LHX4: variants seen among roughly 807,000 people sequenced by gnomAD.
LHX4 encodes the protein LIM homeobox 4.
LHX4 carries 16 observed loss-of-function variants against 39.2 expected under a neutral mutation model. That is an observed-to-expected ratio of 0.41 (90% CI 0.28 to 0.62). LHX4 has a LOEUF of 0.62. LHX4 is among the 20% of genes least tolerant of loss of function. The probability of loss-of-function intolerance (pLI) is 0.33; values close to 1 mark genes in which losing one functional copy is unlikely to be tolerated. For missense variants in LHX4, 439 were observed against 511.9 expected, an observed-to-expected ratio of 0.86 and a Z score of 1.37; for synonymous variants, 206 against 198.1, an observed-to-expected ratio of 1.04 and a Z score of -0.33.
chr1:180,248,539 G>T, intron 2 of LHX4, 83 bp downstream of exon 2: 1 of 1,487,492 alleles, frequency 6.7e-7, no homozygotes, highest in Non-Finnish European at 9.3e-7. Flanking sequence ...CAGCAGGGTA[G>T]GCCAGGGAGG....
chr1:180,248,686 C>T lies in LHX4; in HGVS notation c.248+230C>T, dbSNP rs1647483807. On this transcript the variant is annotated intron_variant, in intron 2 of 5. Transcript: ENST00000263726. The stretch of plus-strand genomic sequence containing the variant: ...GACCTCATTTGATCTCTGCATGGGG[C>T]AGGGGTGAGGAGCCAGAGGCCTTGG... 5.1e-6 allele frequency: 3 copies of T among 587,870 alleles called. No homozygotes were observed. In the East Asian group the frequency reaches 9.0e-5, roughly 18 times the overall value. 36.4% of individuals were successfully genotyped at this position (587,870 alleles called of 1,614,324 possible). A position where few individuals can be genotyped will look rare whatever the true frequency, so the allele number is the denominator to read the frequency against.
chr1:180,248,262 C>T (rs757335185), intron 1 of LHX4, 23 bp from the exon 2 acceptor site: 1 of 1,612,506 alleles, frequency 6.2e-7, no homozygotes, highest in African/African-American at 1.3e-5. Context: ...GCTCACAGTG[C>T]CTCTCTCTCC....
Position 180,267,780 on chromosome 1 carries a change from T to A in LHX4, c.451+1186T>A, listed in dbSNP as rs74132438. Among the ~76,000 whole-genome samples the A allele has an allele frequency of 8.4e-3, 1,279 of 152,314 alleles. 15 individuals carry two copies. The highest frequency in any genetic ancestry group is 0.029 in the African/African-American group (1,207 of 41,572). ...CTTTTCTGGGCCCACACACATATTA[T>A]ACAGATCTCATCAATAATGGAGAAA... On this transcript the variant is annotated intron_variant, in intron 3 of 5. Transcript: ENST00000263726.
At chr1:180,267,348 C>T (rs962651431) in intron 3 of LHX4, among the ~76,000 whole-genome samples, 12 of 152,286 alleles carry the variant, frequency 7.9e-5, no homozygotes, top group Admixed American at 2.6e-4. Flanking sequence ...TTAGCAGCCA[C>T]GCCTGGAAAG....
chr1:180,271,596 A>T, intron 4 of LHX4, 62 bp downstream of exon 4: 3 of 1,591,472 alleles, frequency 1.9e-6, no homozygotes, highest in Non-Finnish European at 2.6e-6. Flanking sequence ...GGTGGAAGGT[A>T]TCCTGAGTGA....
Position 180,232,330 on chromosome 1 carries a change from C to A in LHX4, c.76+1725C>A, listed in dbSNP as rs936035633. On this transcript the variant is annotated intron_variant, in intron 1 of 5. Transcript: ENST00000263726. This position sits in a 1 kb window ranked among gnomAD's most constrained non-coding sequence, Gnocchi z 5.4. ...TGAAGGACGATGGTCTCTGCTCTGACGGCCTTTCTTGTGATGAGTGACACT... is the reference window on the plus strand; with the variant it reads ...TGAAGGACGATGGTCTCTGCTCTGAAGGCCTTTCTTGTGATGAGTGACACT... Among the ~76,000 whole-genome samples the A allele has an allele frequency of 6.6e-6, 1 of 152,172 alleles. No individual in the cohort carries two copies. Among genetic ancestry groups the A allele is most frequent in the Non-Finnish European group, 1.5e-5 (1 of 68,030 alleles).
chr1:180,236,707 A>AT (rs1285772610), intron 1 of LHX4, among the ~76,000 whole-genome samples: 1 of 152,066 alleles, frequency 6.6e-6, no homozygotes, highest in East Asian at 1.9e-4. Flanking sequence ...GGATAAAGGG[A>AT]CCTTGTGCCT....
chr1:180,268,662 G>C (rs1648439827), intron 3 of LHX4, among the ~76,000 whole-genome samples: 1 of 152,200 alleles, frequency 6.6e-6, no homozygotes, highest in Non-Finnish European at 1.5e-5. Context: ...TGAAATAAGA[G>C]ACTGACGTGG....
Position 180,274,176 on chromosome 1 carries a change from T to G in LHX4, c.779-9T>G. On this transcript the variant is annotated splice_polypyrimidine_tract_variant and intron_variant, in intron 5 of 5. Coordinates refer to ENST00000263726, the MANE Select transcript of LHX4 (RefSeq NM_033343.4). Reference sequence around the variant, plus strand: ...AGCTGACAATAAATCTCCGTTCTTTTGTCCACAGAGGATCAAATTCTCTCA... The same window carrying G: ...AGCTGACAATAAATCTCCGTTCTTTGGTCCACAGAGGATCAAATTCTCTCA... 1 of 1,614,232 alleles carries G rather than the reference T, an allele frequency of 6.2e-7. No homozygotes were observed. Among genetic ancestry groups the G allele is most frequent in the Non-Finnish European group, 8.5e-7 (1 of 1,180,044 alleles).
rs1033200435 is a variant in LHX4 at position 180,232,950 on chromosome 1, A to T, written c.76+2345A>T. On this transcript the variant is annotated intron_variant, in intron 1 of 5. Transcript: ENST00000263726. The surrounding 1 kb of genome is among the most constrained non-coding windows in gnomAD (Gnocchi z 5.4). ...CCCACAGGGGTCCCTCCAGTCGCCA[A>T]CTAGAAGGGTTTCCCTCTCAACACA... Among the ~76,000 whole-genome samples, 1 of 152,160 alleles carries T rather than the reference A, an allele frequency of 6.6e-6. No homozygotes were observed. Among genetic ancestry groups the T allele is most frequent in the Non-Finnish European group, 1.5e-5 (1 of 68,034 alleles).
intron 2 of LHX4, among the ~76,000 whole-genome samples, chr1:180,250,695 G>C (rs12407014): frequency 0.4 from 61,123 of 151,908 alleles, 12,533 homozygotes; most frequent in South Asian, 0.53. Context: ...GGCTGCCTTG[G>C]ACCCCCCAGT....
chr1:180,262,783 C>T (rs1462589881), intron 2 of LHX4, among the ~76,000 whole-genome samples: 1 of 152,064 alleles, frequency 6.6e-6, no homozygotes, highest in Non-Finnish European at 1.5e-5. Context: ...TTCGTTCACT[C>T]ATTCGTTTGC....
intron 2 of LHX4, among the ~76,000 whole-genome samples, chr1:180,256,450 G>A (rs565708988): frequency 2.6e-4 from 40 of 152,316 alleles, no homozygotes; most frequent in African/African-American, 5.5e-4. Flanking sequence ...GTCTCTGGTG[G>A]GCACTGTGGA....
intron 5 of LHX4, 26 bp from the exon 6 acceptor site, chr1:180,274,159 A>C: frequency 6.2e-7 from 1 of 1,614,134 alleles, no homozygotes; most frequent in Non-Finnish European, 8.5e-7. Flanking sequence ...GCAGCTGACA[A>C]TAAATCTCCG....
chr1:180,255,542 G>A (rs1352571573), intron 2 of LHX4, among the ~76,000 whole-genome samples: 4 of 152,354 alleles, frequency 2.6e-5, no homozygotes, highest in Middle Eastern at 3.4e-3. Flanking sequence ...ACCTTTTAAG[G>A]TAACGATCAG....
upstream of LHX4, among the ~76,000 whole-genome samples, chr1:180,229,754 C>CGCTCGGCCCCG (rs1208257756): frequency 1.3e-5 from 2 of 151,610 alleles, no homozygotes; most frequent in Admixed American, 6.6e-5. Context: ...CCGCCTGCCC[C>CGCTCGGCCCCG]GCTCGGCCCC....
chr1:180,271,761 C>G, intron 4 of LHX4, 74 bp from the exon 5 acceptor site: 4 of 1,558,748 alleles, frequency 2.6e-6, no homozygotes, highest in Non-Finnish European at 3.5e-6. Context: ...TCCAGCCGCC[C>G]GCCTAGGGGG....
intron 2 of LHX4, among the ~76,000 whole-genome samples, chr1:180,253,420 G>A (rs879412355): frequency 1.3e-5 from 2 of 152,206 alleles, no homozygotes; most frequent in African/African-American, 4.8e-5. Context: ...CCAGCTGGGT[G>A]CCCCTAGGCA....
intron 2 of LHX4, among the ~76,000 whole-genome samples, chr1:180,255,533 C>T (rs1441992748): frequency 1.3e-5 from 2 of 152,252 alleles, no homozygotes; most frequent in Non-Finnish European, 2.9e-5. Flanking sequence ...GCAAATTAAA[C>T]CTTTTAAGGT....
Sources: gnomAD v4.1 joint callset for allele counts (sites outside exome capture counted in the v4.1 genomes callset) on GRCh38, gnomAD v4.1.1 for gene constraint, Gnocchi (gnomAD v3.1) non-coding constraint, MANE v1.5 for transcripts, NCBI Gene and HGNC (gene_info 2026-07-23, HGNC 2026-07-21) for gene names.